The following LGR4 variants were observed in gnomAD, a reference collection of about 807,000 sequenced individuals.
LGR4 encodes leucine-rich repeat-containing G protein-coupled receptor 4.
LGR4 carries 44 observed loss-of-function variants against 84.8 expected under a neutral mutation model. The observed-to-expected ratio is 0.52, with a 90% CI of 0.41 to 0.67. The LOEUF is 0.67. Ranked by LOEUF, LGR4 falls within the 30% of genes least tolerant of loss-of-function variation. The pLI is 0.00. For missense variants in LGR4, 1,032 were observed against 1,131.4 expected, an observed-to-expected ratio of 0.91 and a Z score of 1.26; for synonymous variants, 429 against 434.3, an observed-to-expected ratio of 0.99 and a Z score of 0.15.
intron 7 of LGR4, 89 bp downstream of exon 7, chr11:27,382,099 G>C (rs572844801): frequency 1.2e-6 from 1 of 865,302 alleles, no homozygotes; most frequent in Admixed American, 2.0e-5. Context: ...ATACGTAATG[G>C]AACAAGATGT....
In LGR4 at chr11:27,368,625, C is replaced by T; in HGVS notation, c.2098G>A (p.Glu700Lys). Residue 700 changes from glutamate (E) to lysine (K), a missense_variant, in exon 18 of 18, where the codon GAA becomes AAA. By Grantham distance (56) the Glu-to-Lys change is moderately conservative. Transcript: ENST00000379214. ...ACAGTGAATCCTAATGATGGCGTTTCACCTGTAGGAAATGGCAAACAAAGG... is the reference window on the plus strand; with the variant it reads ...ACAGTGAATCCTAATGATGGCGTTTTACCTGTAGGAAATGGCAAACAAAGG... The part of the protein sequence containing the change: ...SPLCLPFPTG[E>K]TPSLGFTVTL... 6.2e-7 allele frequency: 1 copy of T among 1,613,890 alleles called. No homozygotes were observed.
chr11:27,370,590 G>C (rs1009550692), intron 17 of LGR4, among the ~76,000 whole-genome samples: 3 of 152,170 alleles, frequency 2.0e-5, no homozygotes, highest in African/African-American at 7.2e-5. Context: ...AGCTGAGTAG[G>C]GGGAGGCAGG....
chr11:27,370,056 T>G (rs965950499), intron 17 of LGR4, among the ~76,000 whole-genome samples: 1 of 152,192 alleles, frequency 6.6e-6, no homozygotes, highest in Non-Finnish European at 1.5e-5. Context: ...TGACACAAAT[T>G]ACAACTGTTT....
At chr11:27,408,162 T>G (rs1373888663) in intron 2 of LGR4, among the ~76,000 whole-genome samples, 3 of 152,156 alleles carry the variant, frequency 2.0e-5, no homozygotes, top group Non-Finnish European at 4.4e-5. Flanking sequence ...TTAAAACTAT[T>G]TAATTTGACC....
chr11:27,402,451 G>C (rs1466505022), intron 2 of LGR4, among the ~76,000 whole-genome samples: 5 of 152,078 alleles, frequency 3.3e-5, no homozygotes, highest in Admixed American at 3.3e-4. Flanking sequence ...ACGTGGCTGA[G>C]CAACTCCATA....
chr11:27,440,173 T>G (rs1864281676), intron 1 of LGR4, among the ~76,000 whole-genome samples: 1 of 152,152 alleles, frequency 6.6e-6, no homozygotes, highest in Non-Finnish European at 1.5e-5. Flanking sequence ...CCTAAAGTAC[T>G]GGGATTACAG....
At position 27,472,114 on chromosome 11, in the gene LGR4, T is replaced by C; in HGVS notation, c.185+4A>G. The stretch of plus-strand genomic sequence containing the variant: ...CCCCTCGCGTCCCCGCCGCCCGCAC[T>C]CACAGCGCTTGGGTGAAGGCGCTGA... On this transcript the variant is annotated splice_donor_region_variant and intron_variant, in intron 1 of 17. Coordinates refer to ENST00000379214, the MANE Select transcript of LGR4 (RefSeq NM_018490.5). The C allele has an allele frequency of 2.3e-6, 2 of 864,142 alleles. No individual in the cohort carries two copies. Among genetic ancestry groups the C allele is most frequent in the Non-Finnish European group, 2.8e-6 (2 of 709,106 alleles). 53.5% of individuals were successfully genotyped at this position (864,142 alleles called of 1,614,324 possible).
chr11:27,368,556 C>A lies in LGR4; in HGVS notation c.2167G>T (p.Val723Phe). The change falls in exon 18 of 18, where the codon GTT becomes TTT. Residue 723 changes from valine (V) to phenylalanine (F), a missense_variant. By Grantham distance (50) the Val-to-Phe change is conservative (BLOSUM62 -1). Transcript: ENST00000379214. ...TTGCAGTATAGTTTAGTGTAGATAA[C>A]GGCCATTAATAAAAATGCTAGTGAG... ...LNSLAFLLMA[V>F]IYTKLYCNLE... is the part of the protein sequence containing the mutation. The A allele has an allele frequency of 1.2e-6, 2 of 1,613,438 alleles. No homozygotes were observed. The highest frequency in any genetic ancestry group is 2.2e-5 in the South Asian group (2 of 91,008).
At chr11:27,449,976 T>C (rs975897673) in intron 1 of LGR4, among the ~76,000 whole-genome samples, 10 of 152,232 alleles carry the variant, frequency 6.6e-5, no homozygotes, top group Non-Finnish European at 1.5e-4. Flanking sequence ...CAAAAATGCC[T>C]TGTTCAACAT....
At chr11:27,421,683 AAG>A (rs756340490) in intron 1 of LGR4, among the ~76,000 whole-genome samples, 21 of 152,234 alleles carry the variant, frequency 1.4e-4, no homozygotes, top group Non-Finnish European at 2.2e-4. Context: ...CAAAGAAAGA[AAG>A]AAAATAAATA....
chr11:27,404,549 G>A (rs1287212869), intron 2 of LGR4, among the ~76,000 whole-genome samples: 1 of 152,030 alleles, frequency 6.6e-6, no homozygotes. Context: ...GTTTCTTTCT[G>A]CCCAGCAGGT....
chr11:27,412,644 A>G, intron 2 of LGR4, 145 bp downstream of exon 2: 1 of 672,808 alleles, frequency 1.5e-6, no homozygotes, highest in South Asian at 1.6e-5. Flanking sequence ...TTCCCCCAAG[A>G]AACATGATTT....
rs765064599 is a variant in LGR4 at position 27,367,833 on chromosome 11, G to T, written c.*34C>A. 2.0e-6 allele frequency: 3 copies of T among 1,476,450 alleles called. No individual in the cohort carries two copies. In the South Asian group the frequency reaches 4.0e-5, roughly 20 times the overall value. The allele number at this position is 1,476,450 out of a possible 1,614,324, so 91.5% of individuals were successfully genotyped here. A position where few individuals can be genotyped will look rare whatever the true frequency, so the allele number is the denominator to read the frequency against. ...GGTTCACTCTATAAACACTGATTTT[G>T]GTTGACGGGGGAAACGGTTACACAC... On this transcript the variant is annotated 3_prime_UTR_variant, in exon 18 of 18. Coordinates refer to ENST00000379214, the MANE Select transcript of LGR4 (RefSeq NM_018490.5).
At chr11:27,398,357 CAA>C (rs1015805353) in intron 2 of LGR4, among the ~76,000 whole-genome samples, 14 of 152,320 alleles carry the variant, frequency 9.2e-5, no homozygotes, top group African/African-American at 3.4e-4. Context: ...GCTTAAAAAA[CAA>C]GAGAGGCAAG....
chr11:27,465,926 TA>T (rs569769814), intron 1 of LGR4, among the ~76,000 whole-genome samples: 3 of 152,138 alleles, frequency 2.0e-5, no homozygotes, highest in Non-Finnish European at 4.4e-5. Flanking sequence ...ATCAAGCTTT[TA>T]AAAAACCACA....
chr11:27,406,322 TTACTA>T (rs1863607959), intron 2 of LGR4, among the ~76,000 whole-genome samples: 2 of 152,138 alleles, frequency 1.3e-5, no homozygotes, highest in Non-Finnish European at 2.9e-5. Flanking sequence ...TTTGTTGAAT[TTACTA>T]TACATTGTCT....
At chr11:27,422,415 A>C (rs1863937719) in intron 1 of LGR4, among the ~76,000 whole-genome samples, 1 of 152,218 alleles carries the variant, frequency 6.6e-6, no homozygotes, top group Admixed American at 6.5e-5. Flanking sequence ...ACCAATTAAT[A>C]GATTGTGAAA....
At chr11:27,382,578 T>G (rs1427223181) in intron 6 of LGR4, among the ~76,000 whole-genome samples, 13 of 152,230 alleles carry the variant, frequency 8.5e-5, no homozygotes, top group African/African-American at 2.9e-4. Context: ...GAAAATTCAT[T>G]CTAGAATATA....
At chr11:27,430,447 A>C (rs2133420265) in intron 1 of LGR4, among the ~76,000 whole-genome samples, 1 of 152,298 alleles carries the variant, frequency 6.6e-6, no homozygotes, top group East Asian at 1.9e-4. Flanking sequence ...AGGCACAGAC[A>C]CTTAAATAAC....
Sources: gnomAD v4.1 joint callset for allele counts (sites outside exome capture counted in the v4.1 genomes callset) on GRCh38, gnomAD v4.1.1 for gene constraint, MANE v1.5 for transcripts, NCBI Gene and HGNC (gene_info 2026-07-23, HGNC 2026-07-21) for gene names.